CIBAR1: variants seen among roughly 807,000 people sequenced by gnomAD.
CIBAR1 encodes CBY1-interacting BAR domain-containing protein 1.
CIBAR1 carries 25 observed loss-of-function variants against 44.0 expected under a neutral mutation model. That is an observed-to-expected ratio of 0.57 (90% CI 0.41 to 0.79). CIBAR1 has a LOEUF of 0.79. Among genes scored for constraint, CIBAR1 ranks in the 30% least tolerant of loss-of-function variants. The probability of loss-of-function intolerance (pLI) is 0.00; values close to 1 mark genes in which losing one functional copy is unlikely to be tolerated. For missense variants in CIBAR1, 278 were observed against 344.8 expected (o/e 0.81, Z 1.53); for synonymous variants, 115 against 119.0 (o/e 0.97, Z 0.22).
intron 7 of CIBAR1, among the ~76,000 whole-genome samples, chr8:93,724,254 AAAGT>A (rs1202049362): frequency 6.6e-6 from 1 of 152,200 alleles, no homozygotes; most frequent in Non-Finnish European, 1.5e-5. Context: ...CCTTAAATAA[AAAGT>A]AAGCTGTGAA....
At chr8:93,704,813 C>G in intron 3 of CIBAR1, 96 bp from the exon 4 acceptor site, 2 of 670,076 alleles carry the variant, frequency 3.0e-6, no homozygotes, top group East Asian at 2.8e-5. Context: ...AGTATTCTTC[C>G]ATTCTTAAAA....
intron 2 of CIBAR1, 51 bp downstream of exon 2, chr8:93,701,509 G>T: frequency 6.7e-7 from 1 of 1,498,810 alleles, no homozygotes; most frequent in Non-Finnish European, 9.2e-7. Flanking sequence ...ATGAAGTAGT[G>T]GATGAAGGAA....
chr8:93,722,775 GA>G (rs1393492030), intron 7 of CIBAR1, among the ~76,000 whole-genome samples: 1 of 151,508 alleles, frequency 6.6e-6, no homozygotes, highest in African/African-American at 2.4e-5. Context: ...ACTGCTCTTA[GA>G]AGAGATCTTG....
intron 6 of CIBAR1, among the ~76,000 whole-genome samples, chr8:93,713,094 G>A (rs1276830663): frequency 2.1e-5 from 3 of 143,626 alleles, no homozygotes; most frequent in Admixed American, 7.3e-5. Context: ...GTGCAGTGGC[G>A]CGATCTCGGC....
intron 6 of CIBAR1, among the ~76,000 whole-genome samples, chr8:93,715,210 C>A (rs1810994867): frequency 6.6e-6 from 1 of 152,136 alleles, no homozygotes; most frequent in Non-Finnish European, 1.5e-5. Flanking sequence ...AGAAAAATCA[C>A]AATCCTGTTT....
At position 93,701,235 on chromosome 8, in the gene CIBAR1, C is replaced by G. The variant is rs780556386; in HGVS notation, c.38C>G (p.Thr13Arg). 1 of 1,612,830 alleles carries G rather than the reference C, an allele frequency of 6.2e-7. No individual in the cohort carries two copies. The highest frequency in any genetic ancestry group is 1.3e-5 in the African/African-American group (1 of 74,906). Residue 13 changes from threonine (T) to arginine (R), a missense_variant, in exon 2 of 9, where the codon ACG becomes AGG. Around this residue, in one of 3 missense-constraint regions of CIBAR1, gnomAD observed 183 missense variants for 218.6 expected, o/e 0.84. Coordinates refer to ENST00000518322, the MANE Select transcript of CIBAR1 (RefSeq NM_145269.5). ...CACCTTTTCCCTAGGAACGCTCAAA[C>G]GAAACAACTGCAAACAGCTGTCTCA... ...RRTLENRNAQ[T>R]KQLQTAVSNV...
At position 93,728,362 on chromosome 8, in the gene CIBAR1, A is replaced by G; in HGVS notation, c.*65A>G. The G allele has an allele frequency of 9.4e-7, 1 of 1,062,346 alleles. No individual in the cohort carries two copies. Among genetic ancestry groups the G allele is most frequent in the Non-Finnish European group, 1.4e-6 (1 of 726,620 alleles). 65.8% of individuals were successfully genotyped at this position (1,062,346 alleles called of 1,614,324 possible). A position where few individuals can be genotyped will look rare whatever the true frequency, so the allele number is the denominator to read the frequency against. On this transcript the variant is annotated 3_prime_UTR_variant, in exon 9 of 9. Transcript: ENST00000518322. ...CACAATGACTAAATTGTAGAACTTT[A>G]TACTCACTTTGCTATGTTAAGCCTC...
intron 6 of CIBAR1, among the ~76,000 whole-genome samples, chr8:93,710,294 C>T (rs189726128): frequency 1.3e-5 from 2 of 151,844 alleles, no homozygotes; most frequent in African/African-American, 4.8e-5. Flanking sequence ...CCACCCCACC[C>T]CACAACAACA....
chr8:93,720,266 G>T (rs1811211296), intron 7 of CIBAR1, among the ~76,000 whole-genome samples: 1 of 152,098 alleles, frequency 6.6e-6, no homozygotes, highest in Admixed American at 6.5e-5. Flanking sequence ...ACAGGCGTGA[G>T]CCACTGCGCC....
At position 93,700,689 on chromosome 8, in the gene CIBAR1, C is replaced by A; in HGVS notation, c.26+16C>A. The A allele has an allele frequency of 6.7e-7, 1 of 1,502,208 alleles. No homozygotes were observed. Among genetic ancestry groups the A allele is most frequent in the Non-Finnish European group, 8.9e-7 (1 of 1,126,136 alleles). The allele number at this position is 1,502,208 out of a possible 1,614,324, so 93.1% of individuals were successfully genotyped here. ...TGGAAAACCGGTAACAGCCCGAGCC[C>A]AGCTGCCCAGGGCCGCCCACACTGG... is the stretch of plus-strand genomic sequence containing the variant. On this transcript the variant is annotated intron_variant, in intron 1 of 8. Coordinates refer to ENST00000518322, the MANE Select transcript of CIBAR1 (RefSeq NM_145269.5).
chr8:93,701,172 C>A, intron 1 of CIBAR1, 52 bp from the exon 2 acceptor site: 2 of 1,566,802 alleles, frequency 1.3e-6, no homozygotes, highest in South Asian at 2.3e-5. Flanking sequence ...TAACGTGAAG[C>A]CTTCTCATCT....
intron 6 of CIBAR1, among the ~76,000 whole-genome samples, chr8:93,718,010 A>G (rs1163364109): frequency 6.6e-6 from 1 of 152,224 alleles, no homozygotes; most frequent in Non-Finnish European, 1.5e-5. Context: ...GATTCCGGCA[A>G]GAACAGCACA....
chr8:93,726,258 C>G (rs574716814), intron 7 of CIBAR1, 136 bp from the exon 8 acceptor site: 1 of 714,598 alleles, frequency 1.4e-6, no homozygotes. Context: ...TTTTCTTTTA[C>G]ATTTACAATA....
chr8:93,712,192 T>G (rs947678265), intron 6 of CIBAR1, among the ~76,000 whole-genome samples: 3 of 152,212 alleles, frequency 2.0e-5, no homozygotes, highest in African/African-American at 7.2e-5. Flanking sequence ...TGTCATCACT[T>G]CAACCTTGTA....
intron 6 of CIBAR1, among the ~76,000 whole-genome samples, chr8:93,711,513 G>A (rs1476728519): frequency 6.6e-6 from 1 of 152,114 alleles, no homozygotes; most frequent in Non-Finnish European, 1.5e-5. Flanking sequence ...AACATCTCAG[G>A]AGGCTGTCCC....
chr8:93,717,965 G>A (rs1416324792), intron 6 of CIBAR1, among the ~76,000 whole-genome samples: 1 of 152,052 alleles, frequency 6.6e-6, no homozygotes. Flanking sequence ...GCTTATAGAG[G>A]TTACCTGCAC....
intron 2 of CIBAR1, chr8:93,701,885 C>G (rs900056348): frequency 5.2e-5 from 11 of 211,794 alleles, no homozygotes; most frequent in Non-Finnish European, 1.1e-4. Context: ...GACATCATTG[C>G]TGCATCCATG....
At chr8:93,723,575 A>G (rs944506719) in intron 7 of CIBAR1, among the ~76,000 whole-genome samples, 13 of 151,846 alleles carry the variant, frequency 8.6e-5, no homozygotes, top group African/African-American at 2.7e-4. Context: ...TATGTTTGCA[A>G]CTTAACTGTT....
intron 7 of CIBAR1, chr8:93,726,185 C>T: frequency 2.3e-6 from 1 of 432,326 alleles, no homozygotes; most frequent in Non-Finnish European, 4.2e-6. Context: ...TAATATCTGT[C>T]ATCATCTTAC....
Sources: allele counts gnomAD v4.1 joint callset (sites outside exome capture counted in the v4.1 genomes callset), GRCh38; gene constraint gnomAD v4.1.1; regional missense constraint gnomAD v4.1.1; transcripts MANE v1.5; gene names NCBI Gene and HGNC (gene_info 2026-07-23, HGNC 2026-07-21).